Variants in PCDHGA3 observed in about 807,000 individuals in gnomAD.
The protein encoded by PCDHGA3 is protocadherin gamma-A3.
PCDHGA3 carries 40 observed loss-of-function variants against 58.5 expected under a neutral mutation model. The ratio of observed to expected loss-of-function variants is 0.68; its 90% CI spans 0.53 to 0.89. PCDHGA3 has a LOEUF of 0.89. Among genes scored for constraint, PCDHGA3 ranks in the 40% least tolerant of loss-of-function variants. PCDHGA3 has a pLI of 0.00. For synonymous variants in PCDHGA3, 530 were observed against 525.7 expected, an observed-to-expected ratio of 1.01 and a Z score of -0.11; for missense variants, 1,223 against 1,195.9, an observed-to-expected ratio of 1.02 and a Z score of -0.33.
chr5:141,505,891 G>A (rs541853565), intron 3 of PCDHGA3, among the ~76,000 whole-genome samples: 9 of 152,288 alleles, frequency 5.9e-5, no homozygotes, highest in Admixed American at 5.9e-4. Context: ...GATTAAATGA[G>A]ATGATACCAC....
intron 1 of PCDHGA3, chr5:141,415,014 C>T (rs747951360): frequency 1.2e-6 from 2 of 1,613,620 alleles, no homozygotes; most frequent in Non-Finnish European, 1.7e-6. Context: ...ACCGTCTGCT[C>T]AAGGCCAGCG....
chr5:141,368,928 C>T (rs190760255), intron 1 of PCDHGA3, among the ~76,000 whole-genome samples: 45 of 152,290 alleles, frequency 3.0e-4, no homozygotes, highest in Middle Eastern at 3.4e-3. Flanking sequence ...GAGTGTCTGT[C>T]TAGAATTCTG....
intron 1 of PCDHGA3, chr5:141,417,066 T>C (rs1373522268): frequency 6.6e-6 from 1 of 152,110 alleles, no homozygotes; most frequent in Non-Finnish European, 1.5e-5. Context: ...ACATTGTAGC[T>C]ATTGTGAGAA....
rs774113255 is a variant in PCDHGA3 at position 141,405,285 on chromosome 5, C to T, written c.2424+58828C>T. 3.7e-6 allele frequency: 6 copies of T among 1,614,080 alleles called. No individual in the cohort carries two copies. The Admixed American group carries it at 1.0e-4, about 27-fold the overall frequency. On this transcript the variant is annotated intron_variant, in intron 1 of 3. Coordinates refer to ENST00000253812, the MANE Select transcript of PCDHGA3 (RefSeq NM_018916.4). ...TTCCCCCAGCCCAACTATGCAGACACACTCATCAGCCAGCAGAGCTGTGAG... is the reference window on the plus strand; with the variant it reads ...TTCCCCCAGCCCAACTATGCAGACATACTCATCAGCCAGCAGAGCTGTGAG...
Position 141,362,012 on chromosome 5 carries a change from T to A in PCDHGA3, c.2424+15555T>A, listed in dbSNP as rs1228364834. 3.7e-6 allele frequency: 6 copies of A among 1,605,660 alleles called. No homozygotes were observed. In the Admixed American group the frequency reaches 6.7e-5, roughly 18 times the overall value. On this transcript the variant is annotated intron_variant, in intron 1 of 3. Coordinates refer to ENST00000253812, the MANE Select transcript of PCDHGA3 (RefSeq NM_018916.4). ...AGCCTGGGGTTGCGCACGGGTGAGG[T>A]GCGCACAGCGCGTGCCTTGGGCGAC...
intron 1 of PCDHGA3, among the ~76,000 whole-genome samples, chr5:141,467,824 G>A (rs1272399938): frequency 2.0e-5 from 3 of 151,798 alleles, no homozygotes; most frequent in Non-Finnish European, 4.4e-5. Flanking sequence ...ACACCAGGCT[G>A]ATTTTTATAT....
At position 141,477,160 on chromosome 5, in the gene PCDHGA3, C is replaced by G. The variant is rs768436526; in HGVS notation, c.2425-17647C>G. 2 of 1,614,186 alleles carry G rather than the reference C, an allele frequency of 1.2e-6. No homozygotes were observed. Among genetic ancestry groups the G allele is most frequent in the Admixed American group, 1.7e-5 (1 of 60,020 alleles). On this transcript the variant is annotated intron_variant, in intron 1 of 3. Transcript: ENST00000253812. The surrounding 1 kb of genome is among the most constrained non-coding windows in gnomAD (Gnocchi z 4.9). ...TGGAGGTTGTGGATGTGAATGACAA[C>G]GCCCCGGAGATCACAGTCACCTCCG...
intron 1 of PCDHGA3, among the ~76,000 whole-genome samples, chr5:141,425,605 A>G (rs1229246680): frequency 6.6e-6 from 1 of 152,230 alleles, no homozygotes; most frequent in Non-Finnish European, 1.5e-5. Context: ...TGCCCTATAT[A>G]GCTTTCAGTG....
chr5:141,500,460 C>T (rs1421637554), intron 2 of PCDHGA3, among the ~76,000 whole-genome samples: 2 of 152,234 alleles, frequency 1.3e-5, no homozygotes, highest in South Asian at 2.1e-4. Context: ...CCGCCCGCCT[C>T]GGCCTCCCAA....
chr5:141,357,342 C>T (rs1760561177), intron 1 of PCDHGA3: 1 of 1,614,144 alleles, frequency 6.2e-7, no homozygotes, highest in Non-Finnish European at 8.5e-7. Context: ...TGCTAGCACT[C>T]AAGCTGAGAC....
intron 1 of PCDHGA3, among the ~76,000 whole-genome samples, chr5:141,458,664 G>A (rs544369246): frequency 6.6e-6 from 1 of 152,196 alleles, no homozygotes; most frequent in African/African-American, 2.4e-5. Context: ...CCACCTCTCG[G>A]GTTCAAGCAA....
chr5:141,490,200 A>G lies in PCDHGA3; in HGVS notation c.2425-4607A>G. 6.2e-6 allele frequency: 10 copies of G among 1,614,198 alleles called. No homozygotes were observed. The highest frequency in any genetic ancestry group is 8.5e-6 in the Non-Finnish European group (10 of 1,180,032). ...AGTCACGTTTCTATGAAATTCATGC[A>G]AGAGCCCGTGACCAGGGACAGCCTG... On this transcript the variant is annotated intron_variant, in intron 1 of 3. Coordinates refer to ENST00000253812, the MANE Select transcript of PCDHGA3 (RefSeq NM_018916.4). The surrounding 1 kb of genome is among the most constrained non-coding windows in gnomAD (Gnocchi z 5.4).
chr5:141,435,781 C>T (rs3828680), intron 1 of PCDHGA3, among the ~76,000 whole-genome samples: 81,882 of 151,942 alleles, frequency 0.54, 24,120 homozygotes, highest in African/African-American at 0.79. Flanking sequence ...TGTAAAGGTG[C>T]AGGGAAACAT....
At chr5:141,415,151 C>G in intron 1 of PCDHGA3, 2 of 1,613,814 alleles carry the variant, frequency 1.2e-6, no homozygotes, top group Non-Finnish European at 1.7e-6. Flanking sequence ...CCCCCTCTCT[C>G]CGCCACTGTC....
chr5:141,375,151 T>G, intron 1 of PCDHGA3: 2 of 1,613,962 alleles, frequency 1.2e-6, no homozygotes, highest in Non-Finnish European at 1.7e-6. Context: ...GCAGAACAAT[T>G]GCTGAAAGTG....
chr5:141,353,558 C>T (rs1204482590), intron 1 of PCDHGA3, among the ~76,000 whole-genome samples: 1 of 152,144 alleles, frequency 6.6e-6, no homozygotes, highest in East Asian at 1.9e-4. Context: ...CAATATTATT[C>T]CCACTCTATA....
At position 141,372,146 on chromosome 5, in the gene PCDHGA3, T is replaced by C. The variant is rs371379465; in HGVS notation, c.2424+25689T>C. The C allele has an allele frequency of 1.2e-4, 200 of 1,613,738 alleles. 1 individual carries two copies. In the South Asian group the frequency reaches 2.0e-3, roughly 16 times the overall value. ...ATATGGTGCCGCGCTCTGCAGAGCC[T>C]GGCTACCTGGTGACCAAGGTGGTGG... On this transcript the variant is annotated intron_variant, in intron 1 of 3. Coordinates refer to ENST00000253812, the MANE Select transcript of PCDHGA3 (RefSeq NM_018916.4).
intron 1 of PCDHGA3, among the ~76,000 whole-genome samples, chr5:141,380,915 GT>G (rs1776856822): frequency 6.6e-6 from 1 of 152,180 alleles, no homozygotes; most frequent in Admixed American, 6.5e-5. Flanking sequence ...TGCTTACATT[GT>G]TTAATAATCA....
At chr5:141,421,159 C>G (rs2096549842) in intron 1 of PCDHGA3, 3 of 1,236,898 alleles carry the variant, frequency 2.4e-6, no homozygotes. Flanking sequence ...CCTAGGACTT[C>G]ATAGATACAT....
Sources: allele counts gnomAD v4.1 joint callset (sites outside exome capture counted in the v4.1 genomes callset), GRCh38; gene constraint gnomAD v4.1.1; non-coding constraint Gnocchi (gnomAD v3.1); transcripts MANE v1.5; gene names NCBI Gene and HGNC (gene_info 2026-07-23, HGNC 2026-07-21).